Variants in RORA observed in about 807,000 individuals in gnomAD.
RORA encodes the protein nuclear receptor ROR-alpha.
RORA carries 7 observed loss-of-function variants against 69.5 expected under a neutral mutation model. That is an observed-to-expected ratio of 0.10 (90% CI 0.06 to 0.19). The LOEUF is 0.19. Among genes scored for constraint, RORA ranks in the 10% least tolerant of loss-of-function variants. The pLI is 1.00. For synonymous variants in RORA, 261 were observed against 240.8 expected, an observed-to-expected ratio of 1.08 and a Z score of -0.78; for missense variants, 457 against 663.0, an observed-to-expected ratio of 0.69 and a Z score of 3.41.
intron 1 of RORA, among the ~76,000 whole-genome samples, chr15:60,857,182 G>T (rs1035573908): frequency 1.3e-5 from 2 of 152,130 alleles, no homozygotes; most frequent in African/African-American, 4.8e-5. Flanking sequence ...TGGGACAAGG[G>T]CTATGATGAA....
chr15:60,839,029 C>A (rs1418830780), intron 1 of RORA, among the ~76,000 whole-genome samples: 1 of 152,046 alleles, frequency 6.6e-6, no homozygotes, highest in African/African-American at 2.4e-5. Context: ...GCTGGGACTA[C>A]AGGCGCCCGC....
chr15:60,630,313 GAAAGCATATGGC>G (rs1426136589), intron 2 of RORA: 1 of 152,236 alleles, frequency 6.6e-6, no homozygotes, highest in Non-Finnish European at 1.5e-5. Flanking sequence ...AAAAGCCTCG[GAAAGCATATGGC>G]AAAGAAACTC....
At chr15:60,614,790 T>A in intron 2 of RORA, 1 of 853,028 alleles carries the variant, frequency 1.2e-6, no homozygotes, top group Admixed American at 2.6e-5. Context: ...TTTATAGTAA[T>A]CATAAGGTTT....
intron 1 of RORA, among the ~76,000 whole-genome samples, chr15:60,827,006 T>C (rs1198858439): frequency 6.6e-6 from 1 of 152,174 alleles, no homozygotes; most frequent in Non-Finnish European, 1.5e-5. Flanking sequence ...GAGTATAATA[T>C]CAAGTTCTTG....
intron 1 of RORA, among the ~76,000 whole-genome samples, chr15:60,903,474 T>C (rs1891446595): frequency 6.6e-6 from 1 of 152,238 alleles, no homozygotes; most frequent in Admixed American, 6.5e-5. Context: ...TCAGTCATCC[T>C]CAGAGTCCTA....
intron 1 of RORA, among the ~76,000 whole-genome samples, chr15:61,218,443 T>A (rs1437456824): frequency 6.6e-6 from 1 of 152,192 alleles, no homozygotes; most frequent in African/African-American, 2.4e-5. Flanking sequence ...AAGTTCAGAA[T>A]CAGTTCCTTC....
Position 60,689,823 on chromosome 15 carries a change from T to TTC in RORA, c.167-11139_167-11138dup, listed in dbSNP as rs567122253. ...CTATAAGCTCAAGAATGCCAAGGAT[T>TTC]TCTAGCAACTACCAGAAGCTAGGAG... On this transcript the variant is annotated intron_variant, in intron 1 of 10. Coordinates refer to ENST00000335670, the MANE Select transcript of RORA (RefSeq NM_134261.3). 2.1e-3 allele frequency among the ~76,000 whole-genome samples: 319 copies of TTC among 152,168 alleles called. 1 individual carries two copies. The highest frequency in any genetic ancestry group is 3.6e-3 in the Non-Finnish European group (244 of 67,970).
At chr15:60,579,920 T>TCA (rs879268928) in intron 2 of RORA, among the ~76,000 whole-genome samples, 67 of 152,312 alleles carry the variant, frequency 4.4e-4, no homozygotes, top group Admixed American at 9.8e-4. Context: ...TTGTGTTTAT[T>TCA]AGGTCTCCCT....
intron 2 of RORA, among the ~76,000 whole-genome samples, chr15:60,673,225 T>C (rs1282396669): frequency 6.6e-6 from 1 of 152,192 alleles, no homozygotes; most frequent in African/African-American, 2.4e-5. Flanking sequence ...AACTATTCAG[T>C]TTTTCTATGG....
In RORA at chr15:60,810,232, G is replaced by C. The variant is rs548768327; in HGVS notation, c.167-131546C>G. Among the ~76,000 whole-genome samples the C allele has an allele frequency of 5.3e-5, 8 of 152,304 alleles. No homozygotes were observed. In the South Asian group the frequency reaches 1.7e-3, roughly 32 times the overall value. ...CTCACATTAATTAATAGTTTGGTTA[G>C]ATAGAGAATTCTACACTGGAAACAA... On this transcript the variant is annotated intron_variant, in intron 1 of 10. Coordinates refer to ENST00000335670, the MANE Select transcript of RORA (RefSeq NM_134261.3).
At chr15:60,546,336 G>C (rs2067069207) in intron 2 of RORA, 1 of 152,184 alleles carries the variant, frequency 6.6e-6, no homozygotes, top group Non-Finnish European at 1.5e-5. Flanking sequence ...TAAACTAAAG[G>C]AAACTGGTCA....
chr15:61,086,742 G>C (rs1165067260), intron 1 of RORA, among the ~76,000 whole-genome samples: 1 of 150,128 alleles, frequency 6.7e-6, no homozygotes, highest in Non-Finnish European at 1.5e-5. Flanking sequence ...GTATTTCTTT[G>C]AATTGGGGGC....
rs2140955549 is a variant in RORA at position 61,229,089 on chromosome 15, G to C, written c.130C>G (p.Pro44Ala). Residue 44 changes from proline (P) to alanine (A), a missense_variant, in exon 1 of 11, where the codon CCG becomes GCG. Transcript: ENST00000335670. The stretch of plus-strand genomic sequence containing the variant: ...CTGGAATAGCTCTGTCTGCGCACCG[G>C]GGCAGGCGGCTCGCTCTTGCGGGCG... ...ESARKSEPPA[P>A]VRRQSYSSTS... 1 of 1,538,944 alleles carries C rather than the reference G, an allele frequency of 6.5e-7. No individual in the cohort carries two copies. Among genetic ancestry groups the C allele is most frequent in the African/African-American group, 1.4e-5 (1 of 71,556 alleles).
intron 1 of RORA, among the ~76,000 whole-genome samples, chr15:61,218,999 A>G (rs2080068609): frequency 6.6e-6 from 1 of 152,184 alleles, no homozygotes; most frequent in South Asian, 2.1e-4. Flanking sequence ...TAAGCATGAG[A>G]TGCTCAACTC....
intron 1 of RORA, among the ~76,000 whole-genome samples, chr15:60,722,456 T>C (rs868146393): frequency 6.6e-6 from 1 of 152,260 alleles, no homozygotes; most frequent in Non-Finnish European, 1.5e-5. Flanking sequence ...TTCTGCCTTA[T>C]TTGTGTAGAG....
At chr15:61,190,471 A>G (rs1427431898) in intron 1 of RORA, among the ~76,000 whole-genome samples, 1 of 152,222 alleles carries the variant, frequency 6.6e-6, no homozygotes, top group Non-Finnish European at 1.5e-5. Flanking sequence ...AAGAGTTCAA[A>G]GGACGCTGGG....
chr15:61,031,556 G>T (rs1401874999), intron 1 of RORA, among the ~76,000 whole-genome samples: 3 of 152,124 alleles, frequency 2.0e-5, no homozygotes, highest in Non-Finnish European at 2.9e-5. Flanking sequence ...AGTAGTTAAA[G>T]TTCTTCTTGG....
At chr15:60,849,315 G>C (rs1470656126) in intron 1 of RORA, among the ~76,000 whole-genome samples, 3 of 152,196 alleles carry the variant, frequency 2.0e-5, no homozygotes, top group Non-Finnish European at 2.9e-5. Flanking sequence ...ATGAAGAAAG[G>C]CATGACAGAC....
intron 1 of RORA, among the ~76,000 whole-genome samples, chr15:60,975,112 T>G (rs1003138056): frequency 6.6e-6 from 1 of 151,998 alleles, no homozygotes; most frequent in Non-Finnish European, 1.5e-5. Context: ...GAGGCACACG[T>G]CTTAAAAAGA....
Sources: gnomAD v4.1 joint callset for allele counts (sites outside exome capture counted in the v4.1 genomes callset) on GRCh38, gnomAD v4.1.1 for gene constraint, MANE v1.5 for transcripts, NCBI Gene and HGNC (gene_info 2026-07-23, HGNC 2026-07-21) for gene names.